The following RASAL2 variants were observed in gnomAD, a reference collection of about 807,000 sequenced individuals.
RASAL2 encodes RAS protein activator like 2, also known as ras GTPase-activating protein nGAP.
A neutral mutation model predicts 128.9 loss-of-function variants in RASAL2; 58 were observed. That is an observed-to-expected ratio of 0.45 (90% CI 0.36 to 0.56). RASAL2 has a LOEUF of 0.56. RASAL2 is among the 20% of genes least tolerant of loss of function. The probability of loss-of-function intolerance (pLI) is 0.00; values close to 1 mark genes in which losing one functional copy is unlikely to be tolerated. For synonymous variants in RASAL2, 561 were observed against 580.8 expected (o/e 0.97, Z 0.49); for missense variants, 1,360 against 1,601.6 (o/e 0.85, Z 2.57).
intron 1 of RASAL2, among the ~76,000 whole-genome samples, chr1:178,256,559 T>C (rs1345307674): frequency 6.6e-6 from 1 of 152,236 alleles, no homozygotes; most frequent in East Asian, 1.9e-4. Context: ...AAACTATTTC[T>C]GTTTGCAAGT....
In RASAL2 at chr1:178,478,257, AG is replaced by A. The variant is rs1335688790; in HGVS notation, c.*5019del. 1 of 152,192 alleles carries A rather than the reference AG, an allele frequency of 6.6e-6. No homozygotes were observed. The highest frequency in any genetic ancestry group is 1.5e-5 in the Non-Finnish European group (1 of 68,034). The allele number at this position is 152,192 out of a possible 1,614,324, so 9.4% of individuals were successfully genotyped here. The stretch of plus-strand genomic sequence containing the variant: ...ACCTCCATCATCTTTGTGGGGGTAC[AG>A]ATATTTATGTGTAAATATCATTTTA... On this transcript the variant is annotated 3_prime_UTR_variant, in exon 18 of 18. Transcript: ENST00000367649.
chr1:178,175,528 C>G (rs895022357), intron 1 of RASAL2, among the ~76,000 whole-genome samples: 1 of 148,736 alleles, frequency 6.7e-6, no homozygotes, highest in Admixed American at 6.7e-5. Context: ...ACTTAATTTA[C>G]TTCTTTTAAA....
At chr1:178,181,813 AG>A (rs956453273) in intron 1 of RASAL2, among the ~76,000 whole-genome samples, 14 of 151,754 alleles carry the variant, frequency 9.2e-5, no homozygotes, top group Non-Finnish European at 2.1e-4. Flanking sequence ...ACTCAGTTTA[AG>A]GTTTTTATTT....
chr1:178,386,473 A>G lies in RASAL2; in HGVS notation c.458-3627A>G, dbSNP rs948095042. Among the ~76,000 whole-genome samples, 4 of 152,194 alleles carry G rather than the reference A, an allele frequency of 2.6e-5. No homozygotes were observed. The South Asian group carries it at 6.2e-4, about 24-fold the overall frequency. Reference sequence around the variant, plus strand: ...CATCCAGATGTTCTCTTTGTTCAATACATCATTCTATATGGAGCTGTATTG... The same window carrying G: ...CATCCAGATGTTCTCTTTGTTCAATGCATCATTCTATATGGAGCTGTATTG... On this transcript the variant is annotated intron_variant, in intron 3 of 17. Transcript: ENST00000367649.
At chr1:178,251,510 A>C (rs1665055204) in intron 1 of RASAL2, among the ~76,000 whole-genome samples, 1 of 152,228 alleles carries the variant, frequency 6.6e-6, no homozygotes, top group African/African-American at 2.4e-5. Flanking sequence ...GACTGAACAT[A>C]ATTCCTCATT....
intron 1 of RASAL2, among the ~76,000 whole-genome samples, chr1:178,208,396 G>T (rs1470489649): frequency 6.6e-6 from 1 of 152,138 alleles, no homozygotes; most frequent in East Asian, 1.9e-4. Context: ...CGCTCTGGGA[G>T]TGTCTGTCTT....
intron 1 of RASAL2, among the ~76,000 whole-genome samples, chr1:178,126,622 TAA>T (rs764781723): frequency 1.3e-5 from 2 of 152,208 alleles, no homozygotes; most frequent in Non-Finnish European, 2.9e-5. Flanking sequence ...GAAATCTATT[TAA>T]ATAAAAATGT....
chr1:178,156,989 T>G (rs1661106678), intron 1 of RASAL2, among the ~76,000 whole-genome samples: 1 of 152,222 alleles, frequency 6.6e-6, no homozygotes, highest in African/African-American at 2.4e-5. Flanking sequence ...AAATACCTAC[T>G]TAGATGTATA....
At chr1:178,247,063 G>C (rs1313690990) in intron 1 of RASAL2, among the ~76,000 whole-genome samples, 1 of 152,166 alleles carries the variant, frequency 6.6e-6, no homozygotes, top group Non-Finnish European at 1.5e-5. Context: ...TTTGGAATCA[G>C]GATGATGCTG....
chr1:178,411,827 T>C (rs1021800824), intron 4 of RASAL2: 1 of 766,502 alleles, frequency 1.3e-6, no homozygotes, highest in African/African-American at 1.7e-5. Context: ...GAGCCAGGTA[T>C]CACTGCCCTA....
At chr1:178,181,292 G>A (rs1292891869) in intron 1 of RASAL2, among the ~76,000 whole-genome samples, 1 of 151,620 alleles carries the variant, frequency 6.6e-6, no homozygotes, top group Non-Finnish European at 1.5e-5. Flanking sequence ...TATTAATATG[G>A]TACATTCATC....
At chr1:178,260,583 C>T (rs942079226) in intron 1 of RASAL2, among the ~76,000 whole-genome samples, 1 of 150,166 alleles carries the variant, frequency 6.7e-6, no homozygotes, top group African/African-American at 2.4e-5. Flanking sequence ...AAAAGTCTTC[C>T]AAATAAGAAA....
intron 1 of RASAL2, among the ~76,000 whole-genome samples, chr1:178,172,225 T>C (rs756844415): frequency 3.3e-5 from 5 of 152,046 alleles, no homozygotes; most frequent in Admixed American, 6.6e-5. Flanking sequence ...AAATCAATTA[T>C]ATCTACAAAT....
chr1:178,426,582 C>A (rs1329851592), intron 5 of RASAL2, among the ~76,000 whole-genome samples: 3 of 150,204 alleles, frequency 2.0e-5, no homozygotes, highest in Admixed American at 1.3e-4. Flanking sequence ...TTTATATCAT[C>A]GTGACATATC....
chr1:178,245,200 A>T (rs1290571938), intron 1 of RASAL2, among the ~76,000 whole-genome samples: 1 of 152,238 alleles, frequency 6.6e-6, no homozygotes, highest in Non-Finnish European at 1.5e-5. Context: ...CCAACAGTGT[A>T]AAAGCGTTCC....
chr1:178,333,006 A>G (rs905821888), intron 3 of RASAL2, among the ~76,000 whole-genome samples: 6 of 151,748 alleles, frequency 4.0e-5, no homozygotes, highest in African/African-American at 1.2e-4. Context: ...TCACTAATGA[A>G]TATTTCCTTA....
intron 3 of RASAL2, among the ~76,000 whole-genome samples, chr1:178,356,186 A>AAC (rs1339770737): frequency 6.6e-6 from 1 of 151,602 alleles, no homozygotes; most frequent in Non-Finnish European, 1.5e-5. Flanking sequence ...AAAAAAAAAA[A>AAC]AAACCCACAA....
chr1:178,446,775 A>T (rs186633848), intron 9 of RASAL2, among the ~76,000 whole-genome samples: 124 of 152,300 alleles, frequency 8.1e-4, no homozygotes, highest in African/African-American at 2.2e-3. Context: ...AAATAATTTT[A>T]AAAAAATTGA....
intron 1 of RASAL2, among the ~76,000 whole-genome samples, chr1:178,248,372 T>C (rs1015380084): frequency 3.3e-5 from 5 of 152,206 alleles, no homozygotes; most frequent in Admixed American, 1.3e-4. Context: ...GTCTGTTTTA[T>C]CAGGGACTAG....
Sources: gnomAD v4.1 joint callset for allele counts (sites outside exome capture counted in the v4.1 genomes callset) on GRCh38, gnomAD v4.1.1 for gene constraint, MANE v1.5 for transcripts, NCBI Gene and HGNC (gene_info 2026-07-23, HGNC 2026-07-21) for gene names.